Variants in LHFPL3 observed in about 807,000 individuals in gnomAD.
The protein encoded by LHFPL3 is LHFPL tetraspan subfamily member 3.
LHFPL3 carries 5 observed loss-of-function variants against 19.3 expected under a neutral mutation model. The observed-to-expected ratio is 0.26, with a 90% CI of 0.14 to 0.54. The LOEUF (loss-of-function observed/expected upper bound fraction) is 0.54, where lower values mean the gene tolerates loss of function less well. LHFPL3 is among the 20% of genes least tolerant of loss of function. LHFPL3 has a pLI of 0.94. For missense variants in LHFPL3, 249 were observed against 307.4 expected (o/e 0.81, Z 1.42); for synonymous variants, 133 against 126.2 (o/e 1.05, Z -0.36).
rs374395270 is a variant in LHFPL3, at chr7:104,907,364, G to A, written c.*1149G>A. On this transcript the variant is annotated 3_prime_UTR_variant, in exon 3 of 3. Transcript: ENST00000424859. ...TACTTATACAGGTTGAAAAAAACTCGGTAGGAATAAGTTACCTTTTTGTTT... is the reference window on the plus strand; with the variant it reads ...TACTTATACAGGTTGAAAAAAACTCAGTAGGAATAAGTTACCTTTTTGTTT... The A allele has an allele frequency of 2.0e-5, 3 of 151,846 alleles. No individual in the cohort carries two copies. The highest frequency in any genetic ancestry group is 4.4e-5 in the Non-Finnish European group (3 of 67,934). 9.4% of individuals were successfully genotyped at this position (151,846 alleles called of 1,614,324 possible). A position where few individuals can be genotyped will look rare whatever the true frequency, so the allele number is the denominator to read the frequency against.
intron 1 of LHFPL3, among the ~76,000 whole-genome samples, chr7:104,549,301 AATAT>A (rs35759876): frequency 0.029 from 4,333 of 149,126 alleles, 203 homozygotes; most frequent in African/African-American, 0.1. Context: ...ACAATCTGAG[AATAT>A]ATATATATAT....
intron 1 of LHFPL3, among the ~76,000 whole-genome samples, chr7:104,733,091 G>A (rs1014892229): frequency 2.4e-4 from 37 of 152,336 alleles, no homozygotes; most frequent in African/African-American, 8.7e-4. Flanking sequence ...CTAAGAGACA[G>A]TTTGTTATAA....
At chr7:104,454,240 C>T (rs961235195) in intron 1 of LHFPL3, among the ~76,000 whole-genome samples, 1 of 152,132 alleles carries the variant, frequency 6.6e-6, no homozygotes, top group African/African-American at 2.4e-5. Context: ...TATGTGTGTA[C>T]AAGTTGTTGA....
intron 1 of LHFPL3, among the ~76,000 whole-genome samples, chr7:104,723,068 G>A (rs1793517639): frequency 6.6e-6 from 1 of 152,122 alleles, no homozygotes; most frequent in Non-Finnish European, 1.5e-5. Flanking sequence ...TTTGAAGAAA[G>A]ACCCAATTAC....
At chr7:104,430,530 G>T (rs180771734) in intron 1 of LHFPL3, among the ~76,000 whole-genome samples, 15,837 of 126,812 alleles carry the variant, frequency 0.12, 1,130 homozygotes, top group African/African-American at 0.19. Flanking sequence ...GTGCAGTGGT[G>T]CAATCTCAGC....
intron 1 of LHFPL3, among the ~76,000 whole-genome samples, chr7:104,658,990 G>T (rs530990901): frequency 2.0e-5 from 3 of 152,194 alleles, no homozygotes; most frequent in Non-Finnish European, 4.4e-5. Context: ...CTCAAGATTG[G>T]CATGTGAAGT....
chr7:104,794,788 C>T (rs942999118), intron 2 of LHFPL3, among the ~76,000 whole-genome samples: 2 of 152,160 alleles, frequency 1.3e-5, no homozygotes, highest in African/African-American at 2.4e-5. Context: ...TTGCCAATCA[C>T]GTCACACAAT....
chr7:104,338,498 T>G (rs1789882434), intron 1 of LHFPL3, among the ~76,000 whole-genome samples: 2 of 152,332 alleles, frequency 1.3e-5, no homozygotes, highest in Non-Finnish European at 2.9e-5. Context: ...GTAGTCACAA[T>G]GTTTGAACAA....
chr7:104,386,878 G>C (rs1290565415), intron 1 of LHFPL3, among the ~76,000 whole-genome samples: 1 of 152,090 alleles, frequency 6.6e-6, no homozygotes, highest in African/African-American at 2.4e-5. Context: ...CTGGGTGGGA[G>C]TGGGGGTGGG....
At chr7:104,720,429 A>AT (rs1461495654) in intron 1 of LHFPL3, among the ~76,000 whole-genome samples, 7 of 152,368 alleles carry the variant, frequency 4.6e-5, no homozygotes, top group African/African-American at 1.7e-4. Flanking sequence ...ACCTAAAACC[A>AT]TAAAAACCCT....
Position 104,490,144 on chromosome 7 carries a change from G to A in LHFPL3, c.445+160920G>A, listed in dbSNP as rs529063261. ...TTTAAATTGTTTTCATGGTTTTACCGTCAGTTCCACTTTTAACTTCCTAAT... is the reference window on the plus strand; with the variant it reads ...TTTAAATTGTTTTCATGGTTTTACCATCAGTTCCACTTTTAACTTCCTAAT... On this transcript the variant is annotated intron_variant, in intron 1 of 2. Transcript: ENST00000424859. Among the ~76,000 whole-genome samples the A allele has an allele frequency of 1.4e-4, 22 of 152,230 alleles. No homozygotes were observed. In the South Asian group the frequency reaches 1.5e-3, roughly 10 times the overall value.
At chr7:104,361,117 C>A (rs1289368868) in intron 1 of LHFPL3, among the ~76,000 whole-genome samples, 1 of 152,212 alleles carries the variant, frequency 6.6e-6, no homozygotes, top group Admixed American at 6.5e-5. Flanking sequence ...TTTCGCATTA[C>A]AAGGGCAGAG....
chr7:104,386,566 C>G (rs896136349), intron 1 of LHFPL3, among the ~76,000 whole-genome samples: 1 of 152,162 alleles, frequency 6.6e-6, no homozygotes, highest in African/African-American at 2.4e-5. Flanking sequence ...CCAGGAGACA[C>G]CAGAAAATGC....
At chr7:104,752,400 G>T (rs1259594961) in intron 2 of LHFPL3, among the ~76,000 whole-genome samples, 3 of 149,256 alleles carry the variant, frequency 2.0e-5, no homozygotes, top group Non-Finnish European at 4.5e-5. Context: ...GTTTGAAATG[G>T]TTCTAAAGCT....
intron 1 of LHFPL3, among the ~76,000 whole-genome samples, chr7:104,688,123 G>T (rs576641488): frequency 6.6e-6 from 1 of 152,314 alleles, no homozygotes; most frequent in East Asian, 1.9e-4. Context: ...GAGGCAAGGA[G>T]TTTAGTGGTT....
intron 1 of LHFPL3, among the ~76,000 whole-genome samples, chr7:104,440,033 C>T (rs895705966): frequency 2.0e-5 from 1 of 49,862 alleles, no homozygotes; most frequent in Admixed American, 3.1e-4. Context: ...TAATACAAAG[C>T]CTGGGGGGGG....
At chr7:104,443,032 T>C (rs1364264538) in intron 1 of LHFPL3, among the ~76,000 whole-genome samples, 1 of 152,224 alleles carries the variant, frequency 6.6e-6, no homozygotes, top group Non-Finnish European at 1.5e-5. Flanking sequence ...ACTTGCATTA[T>C]CTTGGAAGAG....
intron 1 of LHFPL3, among the ~76,000 whole-genome samples, chr7:104,539,675 G>C (rs896090791): frequency 6.6e-6 from 1 of 152,098 alleles, no homozygotes; most frequent in Non-Finnish European, 1.5e-5. Context: ...CCTCACCAAT[G>C]TTTTCCTAGA....
chr7:104,564,114 C>G (rs1758167515), intron 1 of LHFPL3, among the ~76,000 whole-genome samples: 1 of 152,088 alleles, frequency 6.6e-6, no homozygotes, highest in Non-Finnish European at 1.5e-5. Flanking sequence ...AGAGAAAACT[C>G]AAGAATAGAG....
Sources: gnomAD v4.1 joint callset for allele counts (sites outside exome capture counted in the v4.1 genomes callset) on GRCh38, gnomAD v4.1.1 for gene constraint, MANE v1.5 for transcripts, NCBI Gene and HGNC (gene_info 2026-07-23, HGNC 2026-07-21) for gene names.